Variants in AAGAB observed in about 807,000 individuals in gnomAD.
AAGAB encodes the protein alpha- and gamma-adaptin-binding protein p34.
AAGAB carries 38 observed loss-of-function variants against 44.1 expected under a neutral mutation model. That is an observed-to-expected ratio of 0.86 (90% CI 0.67 to 1.13). The LOEUF (loss-of-function observed/expected upper bound fraction) is 1.13. AAGAB is among the 50% of genes most tolerant of loss of function. The pLI is 0.00. For missense variants in AAGAB, 450 were observed against 373.8 expected, an observed-to-expected ratio of 1.20 and a Z score of -1.68; for synonymous variants, 131 against 131.8, an observed-to-expected ratio of 0.99 and a Z score of 0.04.
intron 5 of AAGAB, among the ~76,000 whole-genome samples, chr15:67,214,408 T>C (rs1273317803): frequency 6.6e-6 from 1 of 152,218 alleles, no homozygotes; most frequent in African/African-American, 2.4e-5. Flanking sequence ...CAAGCACATG[T>C]AGACCAGGGG....
At chr15:67,225,097 C>T (rs1964172268) in intron 5 of AAGAB, among the ~76,000 whole-genome samples, 1 of 152,188 alleles carries the variant, frequency 6.6e-6, no homozygotes, top group African/African-American at 2.4e-5. Flanking sequence ...AGCTGACACT[C>T]CCTTGGGTGA....
chr15:67,231,014 G>A (rs764927338), intron 5 of AAGAB, among the ~76,000 whole-genome samples: 1 of 152,088 alleles, frequency 6.6e-6, no homozygotes, highest in Non-Finnish European at 1.5e-5. Context: ...CAAATGCTAG[G>A]TGATATTCTC....
intron 7 of AAGAB, among the ~76,000 whole-genome samples, chr15:67,207,167 C>A (rs1963704225): frequency 6.6e-6 from 1 of 152,192 alleles, no homozygotes; most frequent in Non-Finnish European, 1.5e-5. Context: ...CCACCCTGGG[C>A]AACAAGAGCG....
chr15:67,216,773 A>C (rs1243949304), intron 5 of AAGAB, among the ~76,000 whole-genome samples: 2 of 152,150 alleles, frequency 1.3e-5, no homozygotes, highest in African/African-American at 4.8e-5. Flanking sequence ...CATGAAAAAA[A>C]AAAATAAAGA....
intron 7 of AAGAB, among the ~76,000 whole-genome samples, chr15:67,204,990 G>C (rs1963653915): frequency 6.6e-6 from 1 of 152,152 alleles, no homozygotes; most frequent in African/African-American, 2.4e-5. Flanking sequence ...ATTTGCTTTG[G>C]ATCTGCACCA....
At chr15:67,254,817 T>G, upstream of AAGAB, 1 of 1,486,574 alleles carries the variant, frequency 6.7e-7, no homozygotes, top group Non-Finnish European at 9.2e-7. Flanking sequence ...GGTGTTGCCA[T>G]GGGGACGAGC....
At chr15:67,232,660 T>C (rs558777146) in intron 4 of AAGAB, 62 of 301,422 alleles carry the variant, frequency 2.1e-4, no homozygotes, top group Non-Finnish European at 3.5e-4. Context: ...GGCTTTGGCA[T>C]AATTTACGAT....
At chr15:67,208,185 T>G (rs1458818063) in intron 7 of AAGAB, among the ~76,000 whole-genome samples, 2 of 152,208 alleles carry the variant, frequency 1.3e-5, no homozygotes, top group African/African-American at 2.4e-5. Context: ...TTTAAAAGCA[T>G]ATGGAAGGGC....
chr15:67,244,715 A>G (rs938093884), intron 1 of AAGAB, among the ~76,000 whole-genome samples: 2 of 151,994 alleles, frequency 1.3e-5, no homozygotes, highest in African/African-American at 4.8e-5. Context: ...GAGGCACAAG[A>G]ATTGCTTGAA....
chr15:67,205,963 A>G (rs903922798), intron 7 of AAGAB, among the ~76,000 whole-genome samples: 1 of 152,234 alleles, frequency 6.6e-6, no homozygotes, highest in Non-Finnish European at 1.5e-5. Context: ...TAGTGTTAAC[A>G]TCGTTTATGA....
At chr15:67,246,107 G>A (rs1005722488) in intron 1 of AAGAB, among the ~76,000 whole-genome samples, 3 of 152,108 alleles carry the variant, frequency 2.0e-5, no homozygotes, top group Non-Finnish European at 4.4e-5. Context: ...CAGGCCAGGT[G>A]CGCTGGCTCA....
intron 5 of AAGAB, among the ~76,000 whole-genome samples, chr15:67,210,965 C>T (rs920995995): frequency 2.0e-5 from 3 of 152,220 alleles, no homozygotes; most frequent in Admixed American, 2.0e-4. Context: ...GACCTACTCG[C>T]ATCTCTCTTT....
intron 7 of AAGAB, among the ~76,000 whole-genome samples, chr15:67,208,196 TTATAAA>T (rs533386309): frequency 2.5e-4 from 38 of 151,914 alleles, no homozygotes; most frequent in African/African-American, 8.5e-4. Context: ...ATGGAAGGGC[TTATAAA>T]TATAAAGTTG....
chr15:67,205,631 G>T (rs975743352), intron 7 of AAGAB, among the ~76,000 whole-genome samples: 3 of 152,202 alleles, frequency 2.0e-5, no homozygotes, highest in Admixed American at 1.3e-4. Context: ...GAATTGATCT[G>T]TAACACTGAA....
At chr15:67,231,774 A>G in intron 5 of AAGAB, 40 bp downstream of exon 5, 1 of 1,473,266 alleles carries the variant, frequency 6.8e-7, no homozygotes, top group Admixed American at 1.7e-5. Flanking sequence ...ACTTACAAGG[A>G]ACAAGAGGAA....
rs1006872368 is a variant in AAGAB, at chr15:67,202,756, G to A, written c.*65C>T. On this transcript the variant is annotated 3_prime_UTR_variant, in exon 10 of 10. Transcript: ENST00000261880. ...GGCAATTTTGGCAAAATATGACTGG[G>A]CTGAGTAGAGAGGTATCTCAGAGAC... The A allele has an allele frequency of 2.0e-6, 3 of 1,537,448 alleles. No homozygotes were observed. The highest frequency in any genetic ancestry group is 1.7e-5 in the Admixed American group (1 of 59,834).
At chr15:67,232,623 A>G in intron 4 of AAGAB, 1 of 357,986 alleles carries the variant, frequency 2.8e-6, no homozygotes, top group Non-Finnish European at 5.7e-6. Context: ...TGAGTTCAGA[A>G]CTCATTTTGG....
chr15:67,236,565 A>G, intron 2 of AAGAB, 61 bp from the exon 3 acceptor site: 1 of 1,602,574 alleles, frequency 6.2e-7, no homozygotes, highest in Admixed American at 1.7e-5. Flanking sequence ...GACAAAATGT[A>G]ATGGGAAAAA....
At chr15:67,208,196 T>C (rs1442502956) in intron 7 of AAGAB, among the ~76,000 whole-genome samples, 3 of 151,814 alleles carry the variant, frequency 2.0e-5, no homozygotes, top group Non-Finnish European at 4.4e-5. Flanking sequence ...ATGGAAGGGC[T>C]TATAAATATA....
Sources: gnomAD v4.1 joint callset for allele counts (sites outside exome capture counted in the v4.1 genomes callset) on GRCh38, gnomAD v4.1.1 for gene constraint, MANE v1.5 for transcripts, NCBI Gene and HGNC (gene_info 2026-07-23, HGNC 2026-07-21) for gene names.